MINDY4B: variants seen among roughly 807,000 people sequenced by gnomAD.
The protein encoded by MINDY4B is inactive ubiquitin carboxyl-terminal hydrolase MINDY-4B.
In MINDY4B, 25 loss-of-function variants were observed where a neutral mutation model predicts 16.7. That is an observed-to-expected ratio of 1.49 (90% CI 1.09 to 2.09). MINDY4B has a LOEUF of 2.09. MINDY4B is among the 30% of genes most tolerant of loss of function. The pLI is 0.00. For missense variants in MINDY4B, 327 were observed against 168.4 expected (o/e 1.94, Z -5.21); for synonymous variants, 132 against 61.9 (o/e 2.13, Z -5.32).
intron 7 of MINDY4B, 56 bp downstream of exon 7, chr3:150,890,264 A>C (rs1001092923): frequency 1.8e-5 from 8 of 437,806 alleles, no homozygotes; most frequent in Non-Finnish European, 3.2e-5. Flanking sequence ...AAAAGGAAGA[A>C]GATCCCTGTA....
Position 150,900,423 on chromosome 3 carries a change from T to C in MINDY4B, c.309+2826A>G, listed in dbSNP as rs552551518. The stretch of plus-strand genomic sequence containing the variant: ...AACAAAAGGATTTCTGGAGTGGTAT[T>C]AGGATTCAATAGCTCTGACAATTTG... On this transcript the variant is annotated intron_variant, in intron 3 of 11. Coordinates refer to ENST00000465419, the MANE Select transcript of MINDY4B (RefSeq NM_001351281.2). 2.6e-5 allele frequency among the ~76,000 whole-genome samples: 4 copies of C among 152,294 alleles called. 1 individual carries two copies. In the South Asian group the frequency reaches 8.3e-4, roughly 32 times the overall value.
chr3:150,871,409 T>G (rs1716964615), intron 11 of MINDY4B, among the ~76,000 whole-genome samples: 1 of 151,784 alleles, frequency 6.6e-6, no homozygotes, highest in Non-Finnish European at 1.5e-5. Context: ...TAGGACGTAG[T>G]ATGTGTGTTG....
At chr3:150,897,606 T>C (rs1029424236) in intron 3 of MINDY4B, among the ~76,000 whole-genome samples, 6 of 152,068 alleles carry the variant, frequency 3.9e-5, no homozygotes, top group African/African-American at 1.4e-4. Context: ...GAAGCATGCA[T>C]CTGTAATGTT....
intron 6 of MINDY4B, chr3:150,890,643 C>T: frequency 2.1e-6 from 1 of 483,926 alleles, no homozygotes; most frequent in African/African-American, 1.9e-5. Flanking sequence ...AGATTTTTTC[C>T]TAATAGGTGA....
At chr3:150,896,218 G>C (rs534299950) in intron 3 of MINDY4B, among the ~76,000 whole-genome samples, 1 of 152,230 alleles carries the variant, frequency 6.6e-6, no homozygotes, top group Admixed American at 6.5e-5. Context: ...GTTTCTTGAA[G>C]TTTTGATTGT....
intron 3 of MINDY4B, among the ~76,000 whole-genome samples, chr3:150,896,290 G>A (rs1468264882): frequency 6.7e-6 from 1 of 149,100 alleles, no homozygotes; most frequent in African/African-American, 2.5e-5. Flanking sequence ...ATCCTTTTTT[G>A]GATTTCCTTA....
At chr3:150,895,394 G>C (rs961234531) in intron 3 of MINDY4B, among the ~76,000 whole-genome samples, 2 of 152,206 alleles carry the variant, frequency 1.3e-5, no homozygotes, top group African/African-American at 2.4e-5. Flanking sequence ...GATTTCTGCT[G>C]AGAAATCTGC....
At chr3:150,880,307 G>C (rs1165392565) in intron 10 of MINDY4B, among the ~76,000 whole-genome samples, 1 of 21,846 alleles carries the variant, frequency 4.6e-5, no homozygotes, top group Non-Finnish European at 4.1e-4. Context: ...GTTCCCATCT[G>C]TGTGTGTGTG....
chr3:150,884,351 A>G (rs1012213500), intron 8 of MINDY4B, among the ~76,000 whole-genome samples: 1 of 152,192 alleles, frequency 6.6e-6, no homozygotes, highest in Non-Finnish European at 1.5e-5. Flanking sequence ...TTCTTGAACA[A>G]ATCTATTCAT....
chr3:150,904,268 T>A (rs1712189300), intron 2 of MINDY4B, among the ~76,000 whole-genome samples: 2 of 152,230 alleles, frequency 1.3e-5, no homozygotes, highest in Admixed American at 6.5e-5. Flanking sequence ...ATCTTTTGAA[T>A]GTTCTATCCC....
chr3:150,897,243 G>A (rs553210320), intron 3 of MINDY4B, among the ~76,000 whole-genome samples: 2 of 152,018 alleles, frequency 1.3e-5, no homozygotes, highest in Non-Finnish European at 2.9e-5. Context: ...ACTAGACAGA[G>A]AGAAAGATCT....
At chr3:150,904,607 T>C (rs1712197495) in intron 2 of MINDY4B, among the ~76,000 whole-genome samples, 1 of 152,204 alleles carries the variant, frequency 6.6e-6, no homozygotes, top group South Asian at 2.1e-4. Flanking sequence ...ATATTGTATA[T>C]CAGATTTTAA....
At chr3:150,902,320 C>G (rs926911990) in intron 3 of MINDY4B, among the ~76,000 whole-genome samples, 3 of 152,140 alleles carry the variant, frequency 2.0e-5, no homozygotes, top group South Asian at 4.1e-4. Context: ...TTCTTAAGGC[C>G]CTGAGTAGAG....
intron 3 of MINDY4B, among the ~76,000 whole-genome samples, chr3:150,900,369 CAGAGA>C: frequency 6.6e-6 from 1 of 152,324 alleles, no homozygotes; most frequent in South Asian, 2.1e-4. Context: ...GTAATCCAAA[CAGAGA>C]AGAGAAAAGA....
intron 10 of MINDY4B, among the ~76,000 whole-genome samples, chr3:150,877,004 G>T (rs936638040): frequency 6.6e-6 from 1 of 152,070 alleles, no homozygotes; most frequent in Non-Finnish European, 1.5e-5. Context: ...CCATCAGTCT[G>T]GTGGGCTCTG....
chr3:150,873,397 T>C, intron 10 of MINDY4B, 30 bp from the exon 11 acceptor site: 1 of 695,152 alleles, frequency 1.4e-6, no homozygotes. Context: ...TGCAGATAAA[T>C]ATATAGATTT....
At chr3:150,871,843 T>TCCAACCAA (rs142608119) in intron 11 of MINDY4B, among the ~76,000 whole-genome samples, 1 of 152,046 alleles carries the variant, frequency 6.6e-6, no homozygotes, top group Non-Finnish European at 1.5e-5. Context: ...AGACTCCATC[T>TCCAACCAA]CCAACCAACC....
In MINDY4B at chr3:150,891,085, C is replaced by T. The variant is rs182352847; in HGVS notation, c.540G>A (p.Lys180=). ...CNLGNLCEIS[K]KEQEQALAAA... ...CGGCCAAGGCTTGCTCCTGCTCCTTCTTGCTTATTTCACATAAGCTATAAT... is the reference window on the plus strand; with the variant it reads ...CGGCCAAGGCTTGCTCCTGCTCCTTTTTGCTTATTTCACATAAGCTATAAT... The change falls in exon 6 of 12, where the codon AAG becomes AAA. Residue 180 remains lysine, a synonymous_variant. Coordinates refer to ENST00000465419, the MANE Select transcript of MINDY4B (RefSeq NM_001351281.2). 41 of 702,470 alleles carry T rather than the reference C, an allele frequency of 5.8e-5. No individual in the cohort carries two copies. In the African/African-American group the frequency reaches 6.1e-4, roughly 10 times the overall value. The allele number at this position is 702,470 out of a possible 1,614,324, so 43.5% of individuals were successfully genotyped here.
chr3:150,885,447 A>AAAAGC lies in MINDY4B; in HGVS notation c.754-10_754-9insGCTTT. 3.1e-6 allele frequency: 2 copies of AAAAGC among 652,714 alleles called. No homozygotes were observed. The highest frequency in any genetic ancestry group is 5.5e-6 in the Non-Finnish European group (2 of 361,280). The allele number at this position is 652,714 out of a possible 1,614,324, so 40.4% of individuals were successfully genotyped here. ...CTTCCTTCCCCTCTGAACTGTTCGG[A>AAAAGC]AAAGAAAAGAAAAGCATGTTGGTCT... On this transcript the variant is annotated splice_polypyrimidine_tract_variant and intron_variant, in intron 7 of 11. Coordinates refer to ENST00000465419, the MANE Select transcript of MINDY4B (RefSeq NM_001351281.2).
Sources: gnomAD v4.1 joint callset for allele counts (sites outside exome capture counted in the v4.1 genomes callset) on GRCh38, gnomAD v4.1.1 for gene constraint, MANE v1.5 for transcripts, NCBI Gene and HGNC (gene_info 2026-07-23, HGNC 2026-07-21) for gene names.